Variants in BMF observed in about 807,000 individuals in gnomAD.
BMF encodes bcl-2-modifying factor.
Under a neutral mutation model 22.0 loss-of-function variants are expected in BMF, and 10 were observed. The ratio of observed to expected loss-of-function variants is 0.45; its 90% CI spans 0.28 to 0.77. BMF has a LOEUF of 0.77. Ranked by LOEUF, BMF falls within the 30% of genes least tolerant of loss-of-function variation. The probability of loss-of-function intolerance (pLI) is 0.13; values close to 1 mark genes in which losing one functional copy is unlikely to be tolerated. For missense variants in BMF, 206 were observed against 226.8 expected, an observed-to-expected ratio of 0.91 and a Z score of 0.59; for synonymous variants, 87 against 88.1, an observed-to-expected ratio of 0.99 and a Z score of 0.07.
intron 2 of BMF, among the ~76,000 whole-genome samples, chr15:40,107,814 C>T (rs2036619584): frequency 6.6e-6 from 1 of 152,102 alleles, no homozygotes; most frequent in Admixed American, 6.6e-5. Context: ...CTCCCCCTCC[C>T]AGCAAAGCCC....
At chr15:40,102,918 G>A (rs570203659) in intron 4 of BMF, among the ~76,000 whole-genome samples, 64 of 152,272 alleles carry the variant, frequency 4.2e-4, no homozygotes, top group African/African-American at 1.5e-3. Flanking sequence ...CTAAGCATAG[G>A]GCCACCCTCC....
chr15:40,101,998 G>C (rs554305998), intron 4 of BMF, among the ~76,000 whole-genome samples: 1 of 152,238 alleles, frequency 6.6e-6, no homozygotes, highest in East Asian at 1.9e-4. Flanking sequence ...AGGCAGAGGA[G>C]ACTCTCATGC....
intron 4 of BMF, among the ~76,000 whole-genome samples, chr15:40,096,086 A>G (rs1455616470): frequency 6.6e-6 from 1 of 152,066 alleles, no homozygotes; most frequent in African/African-American, 2.4e-5. Context: ...GGCCAGGTCT[A>G]AAGATGTACT....
At chr15:40,101,562 A>G (rs1051875199) in intron 4 of BMF, among the ~76,000 whole-genome samples, 4 of 152,198 alleles carry the variant, frequency 2.6e-5, no homozygotes, top group Non-Finnish European at 5.9e-5. Flanking sequence ...AAAGAAGATA[A>G]AGGATAAGAA....
At chr15:40,105,460 T>C (rs1168627739) in intron 3 of BMF, among the ~76,000 whole-genome samples, 2 of 151,996 alleles carry the variant, frequency 1.3e-5, no homozygotes, top group South Asian at 2.1e-4. Context: ...CAGTCACAGA[T>C]CCCCCAGACT....
At chr15:40,092,923 A>G (rs1174464610) in intron 4 of BMF, among the ~76,000 whole-genome samples, 1 of 152,170 alleles carries the variant, frequency 6.6e-6, no homozygotes, top group Non-Finnish European at 1.5e-5. Flanking sequence ...TGCAGAAAGG[A>G]GCCAGCACGG....
intron 4 of BMF, among the ~76,000 whole-genome samples, chr15:40,093,082 G>A (rs1405042205): frequency 2.0e-5 from 3 of 152,200 alleles, no homozygotes; most frequent in Non-Finnish European, 4.4e-5. Flanking sequence ...GGAAGCCAGC[G>A]GCACAGCTGG....
At position 40,106,324 on chromosome 15, in the gene BMF, G is replaced by T; in HGVS notation, c.-5-233C>A. The T allele has an allele frequency of 2.3e-6, 1 of 436,952 alleles. No individual in the cohort carries two copies. Among genetic ancestry groups the T allele is most frequent in the Admixed American group, 4.2e-5 (1 of 23,950 alleles). 27.1% of individuals were successfully genotyped at this position (436,952 alleles called of 1,614,324 possible). A position where few individuals can be genotyped will look rare whatever the true frequency, so the allele number is the denominator to read the frequency against. ...CCACACCTCTTCCCTGGGCCCGCCT[G>T]GAACCACCCTTTTTCTTGATCACGT... On this transcript the variant is annotated intron_variant, in intron 2 of 4. Transcript: ENST00000354670. This position sits in a 1 kb window ranked among gnomAD's most constrained non-coding sequence, Gnocchi z 4.1.
intron 4 of BMF, among the ~76,000 whole-genome samples, chr15:40,092,791 G>C (rs1358922869): frequency 1.3e-5 from 2 of 151,996 alleles, no homozygotes; most frequent in African/African-American, 4.8e-5. Context: ...GGCCTGGGGG[G>C]GTGGAAACTG....
chr15:40,105,987 G>C lies in BMF; in HGVS notation c.100C>G (p.Leu34Val). 6.2e-7 allele frequency: 1 copy of C among 1,614,042 alleles called. No individual in the cohort carries two copies. The highest frequency in any genetic ancestry group is 8.5e-7 in the Non-Finnish European group (1 of 1,180,018). ...TQPGSLLSADLFAQSLLDCPL... is the reference protein window; with the variant it reads ...TQPGSLLSADVFAQSLLDCPL... ...CAGTCCAGTAGGCTCTGGGCAAACA[G>C]GTCAGCAGAGAGCAAGCTCCCGGGT... is the stretch of plus-strand genomic sequence containing the variant. Residue 34 changes from leucine to valine, a missense_variant, in exon 3 of 5, where the codon CTG becomes GTG. Leu to Val is a conservative substitution (Grantham distance 32). Transcript: ENST00000354670.
intron 4 of BMF, among the ~76,000 whole-genome samples, chr15:40,092,822 T>A (rs1595472310): frequency 6.6e-6 from 1 of 151,262 alleles, no homozygotes; most frequent in Admixed American, 6.6e-5. Flanking sequence ...GAAGAGGCGG[T>A]CTTTGTTCTC....
At chr15:40,097,921 T>C (rs905158804) in intron 4 of BMF, among the ~76,000 whole-genome samples, 1 of 152,188 alleles carries the variant, frequency 6.6e-6, no homozygotes, top group Non-Finnish European at 1.5e-5. Flanking sequence ...CCACAGGCCA[T>C]GGGGCTCAGG....
chr15:40,107,405 C>T (rs2036609624), intron 2 of BMF, among the ~76,000 whole-genome samples: 1 of 152,146 alleles, frequency 6.6e-6, no homozygotes, highest in Admixed American at 6.5e-5. Context: ...TGGGCCCTGC[C>T]TTCGTCCCAT....
intron 4 of BMF, among the ~76,000 whole-genome samples, chr15:40,099,426 G>A (rs2036429620): frequency 6.6e-6 from 1 of 152,198 alleles, no homozygotes; most frequent in African/African-American, 2.4e-5. Flanking sequence ...TGACTTAATA[G>A]TTATTTGTAT....
At chr15:40,092,035 G>A in intron 4 of BMF, 147 bp from the exon 5 acceptor site, 1 of 637,522 alleles carries the variant, frequency 1.6e-6, no homozygotes, top group Admixed American at 2.8e-5. Context: ...GGGAGGAGGG[G>A]GAGGTGAAAG....
At position 40,104,286 on chromosome 15, in the gene BMF, A is replaced by G. The variant is rs748058329; in HGVS notation, c.347T>C (p.Ile116Thr). Reference sequence around the variant, plus strand: ...CTGCCCTTCGGGGGGCTGCTCCCCAATGGGCAAGACTGCTGGGAAACTGGC... The same window carrying G: ...CTGCCCTTCGGGGGGCTGCTCCCCAGTGGGCAAGACTGCTGGGAAACTGGC... ...LPASFPAVLPIGEQPPEGQWQ... is the reference protein window; with the variant it reads ...LPASFPAVLPTGEQPPEGQWQ... Residue 116 changes from isoleucine (I) to threonine (T), a missense_variant, in exon 4 of 5, where the codon ATT becomes ACT. Coordinates refer to ENST00000354670, the MANE Select transcript of BMF (RefSeq NM_001003940.2). 2.4e-5 allele frequency: 38 copies of G among 1,614,096 alleles called. No individual in the cohort carries two copies. Among genetic ancestry groups the G allele is most frequent in the African/African-American group, 6.7e-5 (5 of 74,934 alleles).
At position 40,091,786 on chromosome 15, in the gene BMF, C is replaced by A; in HGVS notation, c.*1G>T. On this transcript the variant is annotated 3_prime_UTR_variant, in exon 5 of 5. Transcript: ENST00000354670. ...CCCCATGTGAAGAGGGCAGCCCACC[C>A]TCACCTAGGGCCTGCCCCGTTCCTG... 1.2e-6 allele frequency: 2 copies of A among 1,603,016 alleles called. No homozygotes were observed. Among genetic ancestry groups the A allele is most frequent in the East Asian group, 2.2e-5 (1 of 44,532 alleles).
Position 40,106,331 on chromosome 15 carries a change from C to G in BMF, c.-5-240G>C, listed in dbSNP as rs1263587755. ...TCTTCCCTGGGCCCGCCTGGAACCA[C>G]CCTTTTTCTTGATCACGTTTTCTGA... On this transcript the variant is annotated intron_variant, in intron 2 of 4. Transcript: ENST00000354670. This position sits in a 1 kb window ranked among gnomAD's most constrained non-coding sequence, Gnocchi z 4.1. The G allele has an allele frequency of 1.4e-5, 6 of 421,998 alleles. No individual in the cohort carries two copies. The highest frequency in any genetic ancestry group is 2.5e-5 in the Non-Finnish European group (6 of 240,068). 26.1% of individuals were successfully genotyped at this position (421,998 alleles called of 1,614,324 possible).
At chr15:40,092,478 C>G (rs1355048883) in intron 4 of BMF, among the ~76,000 whole-genome samples, 2 of 152,098 alleles carry the variant, frequency 1.3e-5, no homozygotes, top group Non-Finnish European at 2.9e-5. Flanking sequence ...CACACACACC[C>G]TTGTGCGCCC....
Sources: gnomAD v4.1 joint callset for allele counts (sites outside exome capture counted in the v4.1 genomes callset) on GRCh38, gnomAD v4.1.1 for gene constraint, Gnocchi (gnomAD v3.1) non-coding constraint, MANE v1.5 for transcripts, NCBI Gene and HGNC (gene_info 2026-07-23, HGNC 2026-07-21) for gene names.